The following SNX29 variants were observed in gnomAD, a reference collection of about 807,000 sequenced individuals.
SNX29 encodes the protein sorting nexin 29.
SNX29 carries 78 observed loss-of-function variants against 102.1 expected under a neutral mutation model. The observed-to-expected ratio is 0.76, with a 90% CI of 0.64 to 0.92. The LOEUF (loss-of-function observed/expected upper bound fraction) is 0.92. SNX29 is among the 40% of genes least tolerant of loss of function. The probability of loss-of-function intolerance (pLI) is 0.00; values close to 1 mark genes in which losing one functional copy is unlikely to be tolerated. For synonymous variants in SNX29, 580 were observed against 414.5 expected, an observed-to-expected ratio of 1.40 and a Z score of -4.85; for missense variants, 1,280 against 1,061.7, an observed-to-expected ratio of 1.21 and a Z score of -2.86.
intron 15 of SNX29, among the ~76,000 whole-genome samples, chr16:12,291,908 G>A (rs762026935): frequency 2.8e-4 from 43 of 152,242 alleles, no homozygotes; most frequent in Non-Finnish European, 5.3e-4. Context: ...AGCCAGATCA[G>A]TGGATATATT....
chr16:12,021,656 G>A (rs1567535117), intron 3 of SNX29, among the ~76,000 whole-genome samples: 1 of 152,060 alleles, frequency 6.6e-6, no homozygotes, highest in Non-Finnish European at 1.5e-5. Flanking sequence ...GGGGGGCCAA[G>A]GTAGGCGGAT....
intron 18 of SNX29, among the ~76,000 whole-genome samples, chr16:12,469,576 T>C (rs2087235497): frequency 6.6e-6 from 1 of 152,190 alleles, no homozygotes; most frequent in African/African-American, 2.4e-5. Context: ...AACACTTGTT[T>C]TTCTCTGAGG....
At position 12,073,330 on chromosome 16, in the gene SNX29, C is replaced by T. The variant is rs868759359; in HGVS notation, c.1319+4198C>T. ...ATTTAGTGCTATAAATTTCCCTCTA[C>T]ACACTGCTTCAAATGTGTCCCAGAG... On this transcript the variant is annotated intron_variant, in intron 10 of 20. Coordinates refer to ENST00000566228, the MANE Select transcript of SNX29 (RefSeq NM_032167.5). Among the ~76,000 whole-genome samples, 11 of 152,248 alleles carry T rather than the reference C, an allele frequency of 7.2e-5. 1 individual carries two copies. In the South Asian group the frequency reaches 2.1e-3, roughly 29 times the overall value.
At chr16:12,285,134 C>T (rs2079551285) in intron 15 of SNX29, among the ~76,000 whole-genome samples, 1 of 152,326 alleles carries the variant, frequency 6.6e-6, no homozygotes, top group Non-Finnish European at 1.5e-5. Flanking sequence ...CAGCGGTGCT[C>T]TCACTTAGGT....
rs185751188 is a variant in SNX29 at position 12,552,299 on chromosome 16, T to C, written c.2319-16207T>C. On this transcript the variant is annotated intron_variant, in intron 20 of 20. Transcript: ENST00000566228. ...AGTTAACTTCTGTGCCTCAGTTTCC[T>C]CTTCTAGAAGAGGTGATAATGGAAC... is the stretch of plus-strand genomic sequence containing the variant. Among the ~76,000 whole-genome samples, 348 of 152,268 alleles carry C rather than the reference T, an allele frequency of 2.3e-3. 1 individual carries two copies. The highest frequency in any genetic ancestry group is 8.2e-3 in the African/African-American group (342 of 41,554).
At chr16:12,302,236 G>A (rs1031783618) in intron 15 of SNX29, among the ~76,000 whole-genome samples, 1 of 152,156 alleles carries the variant, frequency 6.6e-6, no homozygotes, top group Non-Finnish European at 1.5e-5. Context: ...TAAGCAAATG[G>A]CTGTGGCCAC....
At chr16:12,369,061 C>T (rs2082588725) in intron 16 of SNX29, among the ~76,000 whole-genome samples, 1 of 152,292 alleles carries the variant, frequency 6.6e-6, no homozygotes, top group South Asian at 2.1e-4. Context: ...AGACTCCACT[C>T]ACCTCTCCCA....
At chr16:12,527,977 A>C (rs1597752281) in intron 20 of SNX29, among the ~76,000 whole-genome samples, 1 of 142,088 alleles carries the variant, frequency 7.0e-6, no homozygotes, top group East Asian at 2.2e-4. Context: ...TGTGCCCACC[A>C]CCATGCCTGG....
rs2079197988 is a variant in SNX29 at position 12,571,992 on chromosome 16, A to T, written c.*3363A>T. 1.9e-6 allele frequency: 2 copies of T among 1,062,268 alleles called. No homozygotes were observed. Among genetic ancestry groups the T allele is most frequent in the Non-Finnish European group, 1.1e-6 (1 of 877,376 alleles). 65.8% of individuals were successfully genotyped at this position (1,062,268 alleles called of 1,614,324 possible). ...GTGGTAGCCATCTTCACATCCAGTC[A>T]CCAGTTGCATCTAGGGAGCTGCTGG... On this transcript the variant is annotated 3_prime_UTR_variant, in exon 21 of 21. Coordinates refer to ENST00000566228, the MANE Select transcript of SNX29 (RefSeq NM_032167.5).
chr16:12,231,785 G>C (rs112323584), intron 14 of SNX29, among the ~76,000 whole-genome samples: 5,880 of 152,226 alleles, frequency 0.039, 411 homozygotes, highest in African/African-American at 0.14. Flanking sequence ...ACTCTCACCA[G>C]CATTCATAAC....
intron 18 of SNX29, among the ~76,000 whole-genome samples, chr16:12,414,557 C>A (rs1010771186): frequency 6.6e-6 from 1 of 152,164 alleles, no homozygotes; most frequent in Non-Finnish European, 1.5e-5. Flanking sequence ...GTGATTCCCC[C>A]GGTCTCTTTC....
intron 16 of SNX29, among the ~76,000 whole-genome samples, chr16:12,366,209 C>T (rs780185535): frequency 2.0e-5 from 3 of 152,044 alleles, no homozygotes; most frequent in Admixed American, 6.6e-5. Context: ...GTGGGATTTC[C>T]CTCAAGGGTC....
intron 18 of SNX29, among the ~76,000 whole-genome samples, chr16:12,415,911 T>C (rs1337376342): frequency 6.6e-6 from 1 of 152,148 alleles, no homozygotes; most frequent in Non-Finnish European, 1.5e-5. Flanking sequence ...GGGGAGATCA[T>C]CTTGTCGGGA....
intron 18 of SNX29, among the ~76,000 whole-genome samples, chr16:12,464,706 C>G (rs887122368): frequency 2.6e-5 from 4 of 152,236 alleles, no homozygotes; most frequent in Non-Finnish European, 5.9e-5. Context: ...CCTCCCACCT[C>G]AGCCTCCGAA....
intron 14 of SNX29, among the ~76,000 whole-genome samples, chr16:12,225,775 A>G (rs2077593694): frequency 1.3e-5 from 2 of 152,040 alleles, no homozygotes; most frequent in African/African-American, 4.8e-5. Flanking sequence ...GCAAAGCCCA[A>G]ACAAGTCTTG....
chr16:11,981,056 C>T (rs531114843), intron 1 of SNX29, among the ~76,000 whole-genome samples: 91 of 152,032 alleles, frequency 6.0e-4, no homozygotes, highest in African/African-American at 2.1e-3. Context: ...CAACCTCTGC[C>T]TCCCAGGTTC....
chr16:12,545,461 AG>A (rs1362730517), intron 20 of SNX29: 1 of 152,242 alleles, frequency 6.6e-6, no homozygotes, highest in Non-Finnish European at 1.5e-5. Context: ...GTGGACGGAT[AG>A]GATGCCAGTG....
chr16:12,540,934 C>G (rs1391761914), intron 20 of SNX29, among the ~76,000 whole-genome samples: 3 of 152,214 alleles, frequency 2.0e-5, no homozygotes, highest in African/African-American at 7.2e-5. Context: ...CCCCTGCCCA[C>G]TTTTGGGGTC....
chr16:11,985,586 T>C (rs1216205982), intron 1 of SNX29, among the ~76,000 whole-genome samples: 1 of 152,176 alleles, frequency 6.6e-6, no homozygotes, highest in Non-Finnish European at 1.5e-5. Flanking sequence ...GGGCTGGCCA[T>C]GTGGTCATCC....
Sources: gnomAD v4.1 joint callset for allele counts (sites outside exome capture counted in the v4.1 genomes callset) on GRCh38, gnomAD v4.1.1 for gene constraint, MANE v1.5 for transcripts, NCBI Gene and HGNC (gene_info 2026-07-23, HGNC 2026-07-21) for gene names.